Variants in PPIL2 observed in about 807,000 individuals in gnomAD.
PPIL2 encodes the protein peptidylprolyl isomerase like 2.
PPIL2 carries 50 observed loss-of-function variants against 75.2 expected under a neutral mutation model. That is an observed-to-expected ratio of 0.66 (90% CI 0.53 to 0.84). The LOEUF is 0.84. Among genes scored for constraint, PPIL2 ranks in the 40% least tolerant of loss-of-function variants. The pLI is 0.00. For synonymous variants in PPIL2, 245 were observed against 258.8 expected (o/e 0.95, Z 0.51); for missense variants, 590 against 685.0 (o/e 0.86, Z 1.55).
chr22:21,698,693 T>C (rs545301319), downstream of PPIL2: 5 of 152,506 alleles, frequency 3.3e-5, no homozygotes, highest in South Asian at 2.1e-4. Context: ...CTCAAGACAA[T>C]TGACTGAAGC....
At chr22:21,667,060 T>G (rs2066415658) in intron 1 of PPIL2, among the ~76,000 whole-genome samples, 1 of 151,846 alleles carries the variant, frequency 6.6e-6, no homozygotes, top group East Asian at 1.9e-4. Flanking sequence ...GGATTTCACC[T>G]GCTCTTTGTT....
chr22:21,681,981 ACTT>A (rs751767507), intron 7 of PPIL2, among the ~76,000 whole-genome samples: 73 of 152,334 alleles, frequency 4.8e-4, no homozygotes, highest in African/African-American at 1.7e-3. Context: ...CTTGGGAGCC[ACTT>A]CTTGCCAGAA....
At chr22:21,689,658 G>A (rs1469561440) in intron 15 of PPIL2, among the ~76,000 whole-genome samples, 1 of 152,154 alleles carries the variant, frequency 6.6e-6, no homozygotes, top group Non-Finnish European at 1.5e-5. Flanking sequence ...TGCTTCCCTG[G>A]TGTGCACATC....
chr22:21,686,595 A>T (rs201998221), intron 11 of PPIL2, 37 bp downstream of exon 11: 2 of 1,595,580 alleles, frequency 1.3e-6, no homozygotes, highest in East Asian at 4.5e-5. Flanking sequence ...CTGCCATGTG[A>T]CCCAAAAGTG....
intron 5 of PPIL2, among the ~76,000 whole-genome samples, 179 bp downstream of exon 5, chr22:21,672,560 G>A (rs112911304): frequency 1.2e-3 from 182 of 152,238 alleles, no homozygotes; most frequent in African/African-American, 4.2e-3. Context: ...AAATGCTTCC[G>A]GCCTGTGCAC....
intron 6 of PPIL2, among the ~76,000 whole-genome samples, chr22:21,676,986 G>GC (rs998445627): frequency 6.7e-6 from 1 of 150,210 alleles, no homozygotes; most frequent in African/African-American, 2.4e-5. Flanking sequence ...GGCGGGGGCT[G>GC]CCCCCCACCT....
At chr22:21,693,410 C>T (rs1392915192) in intron 15 of PPIL2, among the ~76,000 whole-genome samples, 1 of 152,234 alleles carries the variant, frequency 6.6e-6, no homozygotes, top group Non-Finnish European at 1.5e-5. Flanking sequence ...TCCCTTGACT[C>T]CTGTTCTGGC....
chr22:21,668,928 G>A (rs1396054751), intron 1 of PPIL2, among the ~76,000 whole-genome samples: 1 of 151,580 alleles, frequency 6.6e-6, no homozygotes, highest in Non-Finnish European at 1.5e-5. Context: ...AGCCAGGATG[G>A]TCTCCATCTC....
intron 5 of PPIL2, among the ~76,000 whole-genome samples, chr22:21,674,851 C>T (rs955871372): frequency 5.9e-5 from 9 of 152,244 alleles, no homozygotes; most frequent in Admixed American, 2.0e-4. Context: ...CGGCTCTTCT[C>T]AGAGCGTGGT....
At chr22:21,692,974 C>G (rs2067744415) in intron 15 of PPIL2, among the ~76,000 whole-genome samples, 1 of 151,936 alleles carries the variant, frequency 6.6e-6, no homozygotes. Flanking sequence ...CTGCCTTCCT[C>G]CCAGACCAGG....
chr22:21,679,514 A>C (rs951467934), intron 6 of PPIL2, among the ~76,000 whole-genome samples: 4 of 151,968 alleles, frequency 2.6e-5, no homozygotes, highest in Non-Finnish European at 5.9e-5. Context: ...AGGTGGGAGG[A>C]TTATTGGAGC....
chr22:21,687,645 A>G lies in PPIL2; in HGVS notation c.900A>G (p.Thr300=), dbSNP rs752909436. The G allele has an allele frequency of 1.9e-6, 3 of 1,605,510 alleles. No individual in the cohort carries two copies. Among genetic ancestry groups the G allele is most frequent in the Non-Finnish European group, 2.6e-6 (3 of 1,174,686 alleles). ...CAAGTATTGGGGCTATGTTGCAGAC[A>G]CCAAAAACCTGCGAAAACTTCATCA... ...DLNLELHCDL[T]PKTCENFIRL... The change falls in exon 13 of 20, where the codon ACA becomes ACG. Residue 300 remains threonine, a splice_region_variant and synonymous_variant. Transcript: ENST00000398831.
chr22:21,670,004 A>G lies in PPIL2; in HGVS notation c.82+42A>G. On this transcript the variant is annotated intron_variant, in intron 2 of 19. Coordinates refer to ENST00000398831, the MANE Select transcript of PPIL2 (RefSeq NM_014337.4). ...TTCTGTTCCCCGTTGGGGGAGTGGTATTAAGGAACTGTGTCTTCAGGATAC... is the reference window on the plus strand; with the variant it reads ...TTCTGTTCCCCGTTGGGGGAGTGGTGTTAAGGAACTGTGTCTTCAGGATAC... 3.2e-6 allele frequency: 5 copies of G among 1,569,304 alleles called. No homozygotes were observed. In the South Asian group the frequency reaches 5.5e-5, roughly 17 times the overall value.
chr22:21,691,621 A>G (rs1001949785), intron 15 of PPIL2, among the ~76,000 whole-genome samples: 4 of 151,694 alleles, frequency 2.6e-5, no homozygotes, highest in African/African-American at 9.7e-5. Flanking sequence ...CAGAGCTTGC[A>G]TTGAGCCGAG....
chr22:21,675,458 C>T (rs144368958), intron 6 of PPIL2, among the ~76,000 whole-genome samples: 3,104 of 152,242 alleles, frequency 0.02, 79 homozygotes, highest in Non-Finnish European at 0.026. Flanking sequence ...ATCACTTGAA[C>T]CCAGGAGGCA....
Position 21,696,239 on chromosome 22 carries a change from T to A in PPIL2, c.*749T>A. 9.9e-7 allele frequency: 1 copy of A among 1,015,228 alleles called. No homozygotes were observed. The highest frequency in any genetic ancestry group is 1.2e-6 in the Non-Finnish European group (1 of 847,310). 62.9% of individuals were successfully genotyped at this position (1,015,228 alleles called of 1,614,324 possible). ...CCTGCCTGAGCTCTCAGGGCCCTGC[T>A]CACCTGCTCTGGCTGTGAACCACCT... On this transcript the variant is annotated 3_prime_UTR_variant, in exon 20 of 20. Transcript: ENST00000398831.
intron 8 of PPIL2, among the ~76,000 whole-genome samples, chr22:21,682,779 A>G (rs978563045): frequency 2.0e-5 from 3 of 152,270 alleles, no homozygotes; most frequent in African/African-American, 7.2e-5. Context: ...TGAATTAATG[A>G]AAAACACTGA....
intron 15 of PPIL2, among the ~76,000 whole-genome samples, chr22:21,689,957 G>A (rs1444042482): frequency 1.3e-5 from 2 of 152,212 alleles, no homozygotes; most frequent in African/African-American, 2.4e-5. Flanking sequence ...CTTCGCCGTG[G>A]CCTTCTGCCA....
chr22:21,672,196 C>A, intron 4 of PPIL2, 134 bp from the exon 5 acceptor site: 1 of 680,364 alleles, frequency 1.5e-6, no homozygotes, highest in Non-Finnish European at 2.6e-6. Context: ...AGATGAGGAG[C>A]TCTTCCTCTC....
Sources: gnomAD v4.1 joint callset for allele counts (sites outside exome capture counted in the v4.1 genomes callset) on GRCh38, gnomAD v4.1.1 for gene constraint, MANE v1.5 for transcripts, NCBI Gene and HGNC (gene_info 2026-07-23, HGNC 2026-07-21) for gene names.